The following MTREX variants were observed in gnomAD, a reference collection of about 807,000 sequenced individuals.
MTREX encodes the protein exosome RNA helicase MTR4.
Under a neutral mutation model 135.4 loss-of-function variants are expected in MTREX, and 76 were observed. That is an observed-to-expected ratio of 0.56 (90% CI 0.47 to 0.68). The LOEUF is 0.68. Among genes scored for constraint, MTREX ranks in the 30% least tolerant of loss-of-function variants. The probability of loss-of-function intolerance (pLI) is 0.00; values close to 1 mark genes in which losing one functional copy is unlikely to be tolerated. For missense variants in MTREX, 920 were observed against 1,262.1 expected, an observed-to-expected ratio of 0.73 and a Z score of 4.11; for synonymous variants, 404 against 401.6, an observed-to-expected ratio of 1.01 and a Z score of -0.07.
rs746277109 is a variant in MTREX at position 55,414,167 on chromosome 5, CCTTTT to C, written c.2752-9_2752-5del. On this transcript the variant is annotated splice_polypyrimidine_tract_variant and intron_variant, in intron 23 of 26. Transcript: ENST00000230640. ...AACGTGGGTTTTTATATCTTGTTTT[CCTTTT>C]CTTTTATAGTCTAGTGAGATGCCCA... The C allele has an allele frequency of 3.3e-6, 5 of 1,535,054 alleles. No homozygotes were observed. The African/African-American group carries it at 4.2e-5, about 13-fold the overall frequency.
intron 16 of MTREX, among the ~76,000 whole-genome samples, chr5:55,369,444 C>T (rs922363787): frequency 1.3e-5 from 2 of 152,126 alleles, no homozygotes; most frequent in Non-Finnish European, 2.9e-5. Flanking sequence ...GGTGCACCTA[C>T]CTTTGTTTTG....
chr5:55,423,872 A>C (rs1751098733), intron 26 of MTREX: 1 of 152,230 alleles, frequency 6.6e-6, no homozygotes, highest in South Asian at 2.1e-4. Flanking sequence ...GTGTCCTAAG[A>C]AGAGGTTTGC....
At chr5:55,308,993 A>G (rs1579839531) in intron 1 of MTREX, among the ~76,000 whole-genome samples, 1 of 149,968 alleles carries the variant, frequency 6.7e-6, no homozygotes, top group South Asian at 2.1e-4. Context: ...AAAGAGTTAC[A>G]GTATAGGTGA....
At chr5:55,392,160 A>AT (rs1324793218) in intron 19 of MTREX, among the ~76,000 whole-genome samples, 1 of 152,062 alleles carries the variant, frequency 6.6e-6, no homozygotes, top group East Asian at 1.9e-4. Flanking sequence ...ATATTTTTTA[A>AT]TTGTGTGTGG....
At chr5:55,326,451 G>C (rs1051948465) in intron 3 of MTREX, among the ~76,000 whole-genome samples, 1 of 152,006 alleles carries the variant, frequency 6.6e-6, no homozygotes, top group African/African-American at 2.4e-5. Context: ...TTCTCAGGAG[G>C]TCAAAAGCCC....
chr5:55,318,254 C>G (rs1039588841), intron 1 of MTREX, among the ~76,000 whole-genome samples: 13 of 152,162 alleles, frequency 8.5e-5, no homozygotes, highest in African/African-American at 3.1e-4. Context: ...TTAGACCCAG[C>G]AATCCCATTA....
At position 55,366,745 on chromosome 5, in the gene MTREX, T is replaced by C; in HGVS notation, c.1680T>C (p.Asn560=). Residue 560 remains asparagine, a synonymous_variant, in exon 16 of 27, where the codon AAT becomes AAC. Transcript: ENST00000230640. ...QLLKGSADPL[N]SAFHLTYNMV... ...CTTAGGGCTCCGCTGATCCTCTAAA[T>C]AGTGCTTTCCATTTGACCTACAACA... 6.2e-7 allele frequency: 1 copy of C among 1,604,182 alleles called. No individual in the cohort carries two copies. The highest frequency in any genetic ancestry group is 1.3e-5 in the African/African-American group (1 of 74,774).
chr5:55,396,721 G>A (rs531107847), intron 19 of MTREX, among the ~76,000 whole-genome samples: 2 of 152,294 alleles, frequency 1.3e-5, no homozygotes, highest in East Asian at 3.9e-4. Context: ...GTAAAGCACT[G>A]TGAATGTATT....
At chr5:55,313,849 T>G (rs889083990) in intron 1 of MTREX, among the ~76,000 whole-genome samples, 1 of 152,190 alleles carries the variant, frequency 6.6e-6, no homozygotes, top group African/African-American at 2.4e-5. Flanking sequence ...TTTGAAAATA[T>G]CAAATTGTGC....
chr5:55,338,490 C>CT (rs1749588940), intron 5 of MTREX, among the ~76,000 whole-genome samples: 1 of 150,694 alleles, frequency 6.6e-6, no homozygotes, highest in Non-Finnish European at 1.5e-5. Flanking sequence ...TTCTTTTTTG[C>CT]TTTTTCATGC....
chr5:55,313,480 C>A (rs1328615605), intron 1 of MTREX, among the ~76,000 whole-genome samples: 2 of 152,030 alleles, frequency 1.3e-5, no homozygotes, highest in Non-Finnish European at 1.5e-5. Flanking sequence ...CTGACAATTA[C>A]ATAATTAAAC....
chr5:55,378,409 T>C lies in MTREX; in HGVS notation c.1906T>C (p.Leu636=). The change falls in exon 17 of 27, where the codon TTG becomes CTG. Residue 636 remains leucine (L), a synonymous_variant. Coordinates refer to ENST00000230640, the MANE Select transcript of MTREX (RefSeq NM_015360.5). ...TAAGATTAGACAGCAGCTTGCCAAA[T>C]TGGGTAAAGAAATTGAAGAATATAT... ...YYKIRQQLAK[L]GKEIEEYIHK... is the part of the protein sequence containing the mutation. 2 of 1,612,398 alleles carry C rather than the reference T, an allele frequency of 1.2e-6. No homozygotes were observed. The highest frequency in any genetic ancestry group is 1.7e-6 in the Non-Finnish European group (2 of 1,179,514).
Position 55,314,898 on chromosome 5 carries a change from G to A in MTREX, c.134+6751G>A, listed in dbSNP as rs111248276. On this transcript the variant is annotated intron_variant, in intron 1 of 26. Transcript: ENST00000230640. The stretch of plus-strand genomic sequence containing the variant: ...ATGTACAATTCACAATAGGGTTTGT[G>A]CTCCCATGAGAATCTAATGCTGCTG... Among the ~76,000 whole-genome samples, 931 of 152,312 alleles carry A rather than the reference G, an allele frequency of 6.1e-3. 8 individuals are homozygous for A. Among genetic ancestry groups the A allele is most frequent in the African/African-American group, 0.022 (898 of 41,562 alleles).
At chr5:55,326,390 A>G (rs1259574121) in intron 3 of MTREX, among the ~76,000 whole-genome samples, 1 of 151,764 alleles carries the variant, frequency 6.6e-6, no homozygotes, top group Non-Finnish European at 1.5e-5. Flanking sequence ...ACAGAGTGAG[A>G]CTCTGTCTCA....
rs185538767 is a variant in MTREX, at chr5:55,375,841, C to T, written c.1811-2473C>T. Among the ~76,000 whole-genome samples the T allele has an allele frequency of 2.2e-3, 342 of 152,290 alleles. 1 individual carries two copies. Among genetic ancestry groups the T allele is most frequent in the Middle Eastern group, 0.014 (4 of 294 alleles). Reference sequence around the variant, plus strand: ...AACTAATAAATGTCCATGAAATCTTCACAATCTACGTTCTTCTGCCACAGC... The same window carrying T: ...AACTAATAAATGTCCATGAAATCTTTACAATCTACGTTCTTCTGCCACAGC... On this transcript the variant is annotated intron_variant, in intron 16 of 26. Transcript: ENST00000230640.
chr5:55,327,680 G>A (rs1256442357), intron 3 of MTREX, 36 bp from the exon 4 acceptor site: 12 of 1,517,138 alleles, frequency 7.9e-6, no homozygotes, highest in East Asian at 2.3e-5. Flanking sequence ...TCAAATAGTT[G>A]GTGAGGTTTT....
intron 16 of MTREX, among the ~76,000 whole-genome samples, chr5:55,376,787 A>G (rs1366776456): frequency 1.3e-5 from 2 of 152,158 alleles, no homozygotes; most frequent in Non-Finnish European, 2.9e-5. Context: ...TAGATTTTAT[A>G]GGTCGGGTGT....
intron 1 of MTREX, among the ~76,000 whole-genome samples, chr5:55,308,608 A>T (rs1579839005): frequency 6.6e-6 from 1 of 152,214 alleles, no homozygotes; most frequent in East Asian, 1.9e-4. Context: ...TAAAATGGAG[A>T]TAATAGTGCC....
chr5:55,405,329 T>C lies in MTREX; in HGVS notation c.2482-96T>C, dbSNP rs546024480. On this transcript the variant is annotated intron_variant, in intron 21 of 26. Coordinates refer to ENST00000230640, the MANE Select transcript of MTREX (RefSeq NM_015360.5). ...AACCCAGAAGTATACTGTAAGATGT[T>C]CTTTAAAAATATTTTTTGTTTGATT... 4 of 1,096,000 alleles carry C rather than the reference T, an allele frequency of 3.6e-6. No individual in the cohort carries two copies. In the East Asian group the frequency reaches 1.0e-4, roughly 28 times the overall value. The allele number at this position is 1,096,000 out of a possible 1,614,324, so 67.9% of individuals were successfully genotyped here.
Sources: allele counts gnomAD v4.1 joint callset (sites outside exome capture counted in the v4.1 genomes callset), GRCh38; gene constraint gnomAD v4.1.1; transcripts MANE v1.5; gene names NCBI Gene and HGNC (gene_info 2026-07-23, HGNC 2026-07-21).